Variants in APPBP2 observed in about 807,000 individuals in gnomAD.
The protein encoded by APPBP2 is amyloid beta precursor protein binding protein 2.
A neutral mutation model predicts 76.0 loss-of-function variants in APPBP2; 15 were observed. That is an observed-to-expected ratio of 0.20 (90% CI 0.13 to 0.30). The LOEUF (loss-of-function observed/expected upper bound fraction) is 0.30, where lower values mean the gene tolerates loss of function less well. Ranked by LOEUF, APPBP2 falls within the 10% of genes least tolerant of loss-of-function variation. The pLI, the probability that APPBP2 is intolerant of heterozygous loss-of-function variation, is 1.00. For synonymous variants in APPBP2, 222 were observed against 242.2 expected (o/e 0.92, Z 0.77); for missense variants, 401 against 687.2 (o/e 0.58, Z 4.66).
At chr17:60,501,191 A>G (rs574503950) in intron 1 of APPBP2, among the ~76,000 whole-genome samples, 1 of 152,116 alleles carries the variant, frequency 6.6e-6, no homozygotes, top group East Asian at 1.9e-4. Context: ...ATGCACCTGT[A>G]GTCTCAGCTA....
At chr17:60,466,094 A>C (rs1211474551) in intron 5 of APPBP2, among the ~76,000 whole-genome samples, 197 bp downstream of exon 5, 1 of 152,100 alleles carries the variant, frequency 6.6e-6, no homozygotes, top group Non-Finnish European at 1.5e-5. Context: ...TGGCCTCCTA[A>C]AGTTCTGGGA....
At position 60,446,389 on chromosome 17, in the gene APPBP2, G is replaced by A. The variant is rs1171911117; in HGVS notation, c.*1192C>T. ...TTAGTGAAATAGGTGTATTATTAGG[G>A]GATCTTTCCATTTGACTCCTAGATT... On this transcript the variant is annotated 3_prime_UTR_variant, in exon 13 of 13. Coordinates refer to ENST00000083182, the MANE Select transcript of APPBP2 (RefSeq NM_006380.5). The A allele has an allele frequency of 3.3e-5, 5 of 152,204 alleles. No homozygotes were observed. The highest frequency in any genetic ancestry group is 1.2e-4 in the African/African-American group (5 of 41,494). 9.4% of individuals were successfully genotyped at this position (152,204 alleles called of 1,614,324 possible).
intron 3 of APPBP2, among the ~76,000 whole-genome samples, chr17:60,492,185 G>A (rs2090735497): frequency 3.9e-5 from 6 of 152,202 alleles, no homozygotes; most frequent in Admixed American, 3.9e-4. Flanking sequence ...AAGAATTGAG[G>A]TTTGGGAACC....
intron 1 of APPBP2, among the ~76,000 whole-genome samples, chr17:60,507,078 A>C (rs780424173): frequency 2.6e-5 from 4 of 152,198 alleles, no homozygotes; most frequent in Non-Finnish European, 5.9e-5. Context: ...CAAAAATTTT[A>C]GATTCAGGGG....
intron 1 of APPBP2, among the ~76,000 whole-genome samples, chr17:60,501,513 C>G (rs1348559671): frequency 6.6e-6 from 1 of 152,126 alleles, no homozygotes; most frequent in Non-Finnish European, 1.5e-5. Context: ...CCTCCCACCT[C>G]AGCATCCCTA....
At chr17:60,472,189 G>A (rs1419664370) in intron 4 of APPBP2, among the ~76,000 whole-genome samples, 7 of 152,122 alleles carry the variant, frequency 4.6e-5, no homozygotes, top group Non-Finnish European at 1.0e-4. Flanking sequence ...AACAAAACAA[G>A]TTAGGAAGTG....
chr17:60,454,809 A>G (rs1231697023), intron 10 of APPBP2, among the ~76,000 whole-genome samples: 1 of 152,212 alleles, frequency 6.6e-6, no homozygotes, highest in African/African-American at 2.4e-5. Context: ...AAACGGAAGC[A>G]CAAGGCAAGT....
chr17:60,499,195 A>ATAGCATGCGCCTATAGTCCC (rs2090801733), intron 2 of APPBP2, among the ~76,000 whole-genome samples: 1 of 151,828 alleles, frequency 6.6e-6, no homozygotes, highest in South Asian at 2.1e-4. Context: ...GCTGGGTGTG[A>ATAGCATGCGCCTATAGTCCC]TAGCATGCGC....
intron 1 of APPBP2, among the ~76,000 whole-genome samples, chr17:60,504,965 G>A (rs1054722450): frequency 2.6e-5 from 4 of 152,092 alleles, no homozygotes; most frequent in African/African-American, 9.7e-5. Flanking sequence ...AATGAAAAGG[G>A]GTTGTTATCA....
chr17:60,522,174 A>C (rs149081374), intron 1 of APPBP2, among the ~76,000 whole-genome samples: 142 of 152,260 alleles, frequency 9.3e-4, no homozygotes, highest in African/African-American at 3.2e-3. Flanking sequence ...ACACATTTTT[A>C]GTCACCTTCC....
chr17:60,512,929 C>T (rs1598374975), intron 1 of APPBP2, among the ~76,000 whole-genome samples: 2 of 134,866 alleles, frequency 1.5e-5, no homozygotes. Flanking sequence ...GTCTGAAAGT[C>T]TTCACTTAAA....
At chr17:60,505,606 C>T (rs113749467) in intron 1 of APPBP2, among the ~76,000 whole-genome samples, 11,617 of 147,996 alleles carry the variant, frequency 0.078, 1,465 homozygotes, top group African/African-American at 0.27. Flanking sequence ...TGAGCCATCG[C>T]GCCTGGCCCA....
chr17:60,515,723 T>C (rs777819979), intron 1 of APPBP2, among the ~76,000 whole-genome samples: 37 of 152,226 alleles, frequency 2.4e-4, no homozygotes, highest in Admixed American at 1.1e-3. Flanking sequence ...CTAGATATTC[T>C]TAATTTGAGA....
Position 60,447,853 on chromosome 17 carries a change from A to AG in APPBP2, c.1505-20dup, listed in dbSNP as rs1213638239. ...TTCTTCCCTGTAACAAAAAAGAAAA[A>AG]GGAAAAAAAAAAAAGCACAAATAAT... On this transcript the variant is annotated intron_variant, in intron 12 of 12. Transcript: ENST00000083182. 2 of 1,549,212 alleles carry AG rather than the reference A, an allele frequency of 1.3e-6. No individual in the cohort carries two copies. Among genetic ancestry groups the AG allele is most frequent in the South Asian group, 1.2e-5 (1 of 82,204 alleles).
chr17:60,461,086 A>G (rs1247887188), intron 8 of APPBP2: 15 of 175,358 alleles, frequency 8.6e-5, no homozygotes, highest in Non-Finnish European at 1.1e-4. Context: ...TCAAAAGTGA[A>G]CCTTAGGCCA....
At chr17:60,462,216 T>A in intron 6 of APPBP2, 155 bp from the exon 7 acceptor site, 1 of 640,064 alleles carries the variant, frequency 1.6e-6, no homozygotes, top group East Asian at 2.7e-5. Context: ...TCCTTCCAAG[T>A]ACTTAAAAAT....
intron 1 of APPBP2, among the ~76,000 whole-genome samples, chr17:60,510,559 C>CAA (rs551477545): frequency 1.4e-4 from 19 of 135,598 alleles, no homozygotes; most frequent in Middle Eastern, 4.3e-3. Context: ...CCCATCACTA[C>CAA]AAAAAAAAAA....
intron 3 of APPBP2, among the ~76,000 whole-genome samples, chr17:60,485,974 A>G (rs547805802): frequency 7.9e-4 from 121 of 152,306 alleles, no homozygotes; most frequent in African/African-American, 2.6e-3. Flanking sequence ...GTCATTCAGG[A>G]GCAGGCTGTT....
chr17:60,448,741 T>C (rs893767085), intron 12 of APPBP2, among the ~76,000 whole-genome samples: 3 of 152,164 alleles, frequency 2.0e-5, no homozygotes, highest in African/African-American at 7.2e-5. Flanking sequence ...TTGTGTATGA[T>C]AGGGAAATAA....
Sources: allele counts gnomAD v4.1 joint callset (sites outside exome capture counted in the v4.1 genomes callset), GRCh38; gene constraint gnomAD v4.1.1; transcripts MANE v1.5; gene names NCBI Gene and HGNC (gene_info 2026-07-23, HGNC 2026-07-21).